Variants in STEAP3 observed in about 807,000 individuals in gnomAD.
STEAP3 encodes metalloreductase STEAP3.
STEAP3 carries 35 observed loss-of-function variants against 34.9 expected under a neutral mutation model. The observed-to-expected ratio is 1.00, with a 90% confidence interval of 0.76 to 1.33. The LOEUF is 1.33. Among genes scored for constraint, STEAP3 ranks in the 40% most tolerant of loss-of-function variants. The pLI, the probability that STEAP3 is intolerant of heterozygous loss-of-function variation, is 0.00. For synonymous variants in STEAP3, 281 were observed against 301.6 expected (o/e 0.93, Z 0.71); for missense variants, 652 against 667.6 (o/e 0.98, Z 0.26).
At chr2:119,260,316 T>C (rs548086195) in intron 5 of STEAP3, among the ~76,000 whole-genome samples, 4 of 123,526 alleles carry the variant, frequency 3.2e-5, no homozygotes, top group Non-Finnish European at 7.8e-5. Flanking sequence ...TTTTTTTTTT[T>C]TTTCTTTTTT....
Position 119,263,380 on chromosome 2 carries a change from G to T in STEAP3, c.*42G>T. 2 of 1,591,260 alleles carry T rather than the reference G, an allele frequency of 1.3e-6. No homozygotes were observed. The highest frequency in any genetic ancestry group is 2.3e-5 in the East Asian group (1 of 43,834). On this transcript the variant is annotated 3_prime_UTR_variant, in exon 6 of 6. Coordinates refer to ENST00000393110, the MANE Select transcript of STEAP3 (RefSeq NM_182915.3). ...TCTGGACCCCGGGCACACGAGGGAC[G>T]GTGCCCTGAGCCCGTTAGGTTTTCT...
chr2:119,240,119 G>A (rs1445010312), intron 2 of STEAP3, among the ~76,000 whole-genome samples: 1 of 152,174 alleles, frequency 6.6e-6, no homozygotes, highest in Non-Finnish European at 1.5e-5. Context: ...CAAGAGAATT[G>A]CTTGAACCTG....
intron 5 of STEAP3, among the ~76,000 whole-genome samples, chr2:119,258,676 C>T (rs548743600): frequency 5.9e-4 from 80 of 135,240 alleles, no homozygotes; most frequent in African/African-American, 1.8e-3. Context: ...GGCACAATCT[C>T]GGCTCACTGC....
In STEAP3 at chr2:119,263,938, TGGTCCTTTGCCC is replaced by T; in HGVS notation, c.*604_*615del. On this transcript the variant is annotated 3_prime_UTR_variant, in exon 6 of 6. Coordinates refer to ENST00000393110, the MANE Select transcript of STEAP3 (RefSeq NM_182915.3). ...AGGCAGTCGGCCTGGAGTCTGTGCC[TGGTCCTTTGCCC>T]GGTGGTGGGAGGATGGAGGGATTGG... 1 of 171,096 alleles carries T rather than the reference TGGTCCTTTGCCC, an allele frequency of 5.8e-6. No individual in the cohort carries two copies. 10.6% of individuals were successfully genotyped at this position (171,096 alleles called of 1,614,324 possible).
intron 5 of STEAP3, among the ~76,000 whole-genome samples, chr2:119,258,246 G>T (rs1044183744): frequency 5.9e-5 from 9 of 152,228 alleles, no homozygotes; most frequent in African/African-American, 2.2e-4. Context: ...GAGCAACGAG[G>T]TCACTCTCGT....
chr2:119,254,111 A>G (rs905993527), intron 4 of STEAP3, among the ~76,000 whole-genome samples: 6 of 151,302 alleles, frequency 4.0e-5, no homozygotes, highest in Non-Finnish European at 7.4e-5. Flanking sequence ...TGATGGGGGC[A>G]GTGTGGGGCT....
chr2:119,236,454 G>A (rs1043804936), intron 2 of STEAP3, among the ~76,000 whole-genome samples: 2 of 152,166 alleles, frequency 1.3e-5, no homozygotes, highest in African/African-American at 4.8e-5. Context: ...GTTTACTAAG[G>A]TGACTGATCC....
intron 3 of STEAP3, 27 bp from the exon 4 acceptor site, chr2:119,247,652 T>C: frequency 4.6e-6 from 7 of 1,508,840 alleles, no homozygotes; most frequent in Non-Finnish European, 6.2e-6. Context: ...TGTGACGCCG[T>C]CTGACTGCCC....
rs753331674 is a variant in STEAP3, at chr2:119,254,762, GC to G, written c.1132del (p.Leu378SerfsTer9). 6.2e-7 allele frequency: 1 copy of G among 1,614,174 alleles called. No homozygotes were observed. The highest frequency in any genetic ancestry group is 8.5e-7 in the Non-Finnish European group (1 of 1,180,026). On this transcript the variant is annotated frameshift_variant, in exon 5 of 6. Transcript: ENST00000393110. LOFTEE classifies it high-confidence loss of function. ...GATCTACCTCTCCCTGGGAGTGCTG[GC>G]CCTCGGCACGTTGTCCCTGCTGGCC... ...MEIYLSLGVL[A>X]LGTLSLLAVT...
chr2:119,246,574 C>T lies in STEAP3; in HGVS notation c.522+586C>T, dbSNP rs114255356. On this transcript the variant is annotated intron_variant, in intron 3 of 5. Transcript: ENST00000393110. ...GCCACCTTGGTTTTTAATGCATTTT[C>T]TTGGCGAAAGAATGCCAGACTCCAT... 5.3e-3 allele frequency: 826 copies of T among 155,556 alleles called. 2 individuals carry two copies. The highest frequency in any genetic ancestry group is 8.2e-3 in the Non-Finnish European group (576 of 70,050). The allele number at this position is 155,556 out of a possible 1,614,324, so 9.6% of individuals were successfully genotyped here. A position where few individuals can be genotyped will look rare whatever the true frequency, so the allele number is the denominator to read the frequency against.
At chr2:119,259,983 C>T (rs1305656106) in intron 5 of STEAP3, among the ~76,000 whole-genome samples, 1 of 152,172 alleles carries the variant, frequency 6.6e-6, no homozygotes, top group African/African-American at 2.4e-5. Context: ...GGCTTTAGTC[C>T]TAGCTGCCCA....
chr2:119,229,707 T>G (rs868777430), intron 1 of STEAP3, among the ~76,000 whole-genome samples: 1 of 151,944 alleles, frequency 6.6e-6, no homozygotes, highest in Middle Eastern at 3.2e-3. Flanking sequence ...GCAGGTGCCT[T>G]AAGTGCCCAA....
chr2:119,243,111 C>T (rs1216108125), intron 2 of STEAP3, among the ~76,000 whole-genome samples: 1 of 152,236 alleles, frequency 6.6e-6, no homozygotes, highest in Admixed American at 6.5e-5. Flanking sequence ...AGCATGATCC[C>T]CACAAAAGCA....
intron 4 of STEAP3, 114 bp from the exon 5 acceptor site, chr2:119,254,570 G>A (rs544158720): frequency 2.1e-5 from 24 of 1,159,014 alleles, no homozygotes; most frequent in Non-Finnish European, 2.4e-5. Flanking sequence ...GCCAGGTAGC[G>A]TCAGGTGCAG....
At chr2:119,227,810 G>GTATTTATTTATTTATT (rs57135393) in intron 1 of STEAP3, among the ~76,000 whole-genome samples, 6,381 of 145,310 alleles carry the variant, frequency 0.044, 150 homozygotes, top group Admixed American at 0.056. Flanking sequence ...CCCATTTCTT[G>GTATTTATTTATTTATT]TATTTATTTA....
At position 119,263,333 on chromosome 2, in the gene STEAP3, G is replaced by A. The variant is rs759879690; in HGVS notation, c.1492G>A (p.Val498Ile). Residue 498 changes from valine to isoleucine, a missense_variant, in exon 6 of 6, where the codon GTA becomes ATA. By Grantham distance (29) the Val-to-Ile change is conservative. Transcript: ENST00000393110. ...CGCCCTGGCCGAGAAGACGAGCCAC[G>A]TATGAGGTGCCTGCCCTGGGCTCTG... ...DHALAEKTSH[V>I] 4.4e-5 allele frequency: 71 copies of A among 1,612,146 alleles called. No homozygotes were observed. In the East Asian group the frequency reaches 6.0e-4, roughly 14 times the overall value.
chr2:119,260,675 T>A (rs1290758932), intron 5 of STEAP3, among the ~76,000 whole-genome samples: 1 of 152,162 alleles, frequency 6.6e-6, no homozygotes, highest in Non-Finnish European at 1.5e-5. Context: ...TTTAGAAAAG[T>A]TGGGGTGGCT....
At chr2:119,240,965 T>A (rs1226785169) in intron 2 of STEAP3, among the ~76,000 whole-genome samples, 3 of 152,078 alleles carry the variant, frequency 2.0e-5, no homozygotes, top group Non-Finnish European at 1.5e-5. Flanking sequence ...GGGTTCATGC[T>A]GAGCATCAGG....
At chr2:119,262,427 T>C (rs554075854) in intron 5 of STEAP3, among the ~76,000 whole-genome samples, 5 of 152,170 alleles carry the variant, frequency 3.3e-5, no homozygotes, top group Non-Finnish European at 4.4e-5. Flanking sequence ...AGTGCAGTAG[T>C]GCAGTGGCAC....
Sources: gnomAD v4.1 joint callset for allele counts (sites outside exome capture counted in the v4.1 genomes callset) on GRCh38, gnomAD v4.1.1 for gene constraint, MANE v1.5 for transcripts, NCBI Gene and HGNC (gene_info 2026-07-23, HGNC 2026-07-21) for gene names.